RGS7BP: variants seen among roughly 807,000 people sequenced by gnomAD.
The protein encoded by RGS7BP is regulator of G protein signaling 7-binding protein.
RGS7BP carries 9 observed loss-of-function variants against 31.3 expected under a neutral mutation model. The ratio of observed to expected loss-of-function variants is 0.29; its 90% confidence interval spans 0.17 to 0.50. The LOEUF is 0.50. Among genes scored for constraint, RGS7BP ranks in the 20% least tolerant of loss-of-function variants. The pLI, the probability that RGS7BP is intolerant of heterozygous loss-of-function variation, is 0.98. For missense variants in RGS7BP, 274 were observed against 322.0 expected, an observed-to-expected ratio of 0.85 and a Z score of 1.14; for synonymous variants, 115 against 120.1, an observed-to-expected ratio of 0.96 and a Z score of 0.28.
At chr5:64,579,816 T>C (rs1464149271) in intron 3 of RGS7BP, among the ~76,000 whole-genome samples, 2 of 152,212 alleles carry the variant, frequency 1.3e-5, no homozygotes, top group East Asian at 3.8e-4. Flanking sequence ...ATCCTTTCTA[T>C]TTCTTTATTC....
chr5:64,575,682 A>C, intron 2 of RGS7BP, 92 bp from the exon 3 acceptor site: 1 of 1,487,616 alleles, frequency 6.7e-7, no homozygotes, highest in Non-Finnish European at 8.9e-7. Context: ...AGGAATCTTT[A>C]TTGAGCATTT....
rs377519353 is a variant in RGS7BP at position 64,609,520 on chromosome 5, C to A, written c.*268C>A. ...TTGTGCATGTCTGCTCCAAACCACG[C>A]CATGACAGATGCAAGAATTATGATT... On this transcript the variant is annotated 3_prime_UTR_variant, in exon 6 of 6. Transcript: ENST00000334025. 2.4e-6 allele frequency: 1 copy of A among 416,928 alleles called. No individual in the cohort carries two copies. The allele number at this position is 416,928 out of a possible 1,614,324, so 25.8% of individuals were successfully genotyped here. A position where few individuals can be genotyped will look rare whatever the true frequency, so the allele number is the denominator to read the frequency against.
chr5:64,584,021 A>G (rs935537015), intron 3 of RGS7BP, among the ~76,000 whole-genome samples: 1 of 152,220 alleles, frequency 6.6e-6, no homozygotes, highest in African/African-American at 2.4e-5. Flanking sequence ...TCAAAGCTCA[A>G]TGAGGTAAGT....
chr5:64,512,125 A>G (rs1355104817), intron 2 of RGS7BP, among the ~76,000 whole-genome samples: 1 of 152,114 alleles, frequency 6.6e-6, no homozygotes, highest in Non-Finnish European at 1.5e-5. Flanking sequence ...GGTGGTCAGG[A>G]TTCTCTTTTT....
intron 2 of RGS7BP, among the ~76,000 whole-genome samples, chr5:64,561,726 C>T (rs1002817869): frequency 6.6e-6 from 1 of 152,102 alleles, no homozygotes; most frequent in Non-Finnish European, 1.5e-5. Flanking sequence ...GCTCACCAAG[C>T]TTTTTTCCCT....
At position 64,567,376 on chromosome 5, in the gene RGS7BP, ATGT is replaced by A. The variant is rs1397851970; in HGVS notation, c.333-8394_333-8392del. On this transcript the variant is annotated intron_variant, in intron 2 of 5. Transcript: ENST00000334025. ...ATTAATTATTAAAATATTGATCAAC[ATGT>A]TGTGCTGTTACAGTTAAATGAGATG... Among the ~76,000 whole-genome samples, 3 of 152,278 alleles carry A rather than the reference ATGT, an allele frequency of 2.0e-5. No homozygotes were observed. The South Asian group carries it at 6.2e-4, about 32-fold the overall frequency.
chr5:64,578,803 C>T (rs1167092204), intron 3 of RGS7BP, among the ~76,000 whole-genome samples: 1 of 152,176 alleles, frequency 6.6e-6, no homozygotes, highest in African/African-American at 2.4e-5. Context: ...GATGTGACCA[C>T]TGAAATAGGC....
intron 2 of RGS7BP, among the ~76,000 whole-genome samples, chr5:64,552,087 ATAAC>A (rs1388703862): frequency 1.3e-5 from 2 of 152,188 alleles, no homozygotes; most frequent in Admixed American, 6.5e-5. Context: ...TTTTATCTGC[ATAAC>A]TAACTTTCCT....
Position 64,609,256 on chromosome 5 carries a change from G to C in RGS7BP, c.*4G>C. ...GTGTTGTCTCATCTCAAGCTAGGTG[G>C]CTCCTCCTGGAAACCCACTGAGAAC... is the stretch of plus-strand genomic sequence containing the variant. On this transcript the variant is annotated 3_prime_UTR_variant, in exon 6 of 6. Transcript: ENST00000334025. The C allele has an allele frequency of 1.9e-6, 3 of 1,557,400 alleles. No individual in the cohort carries two copies. Among genetic ancestry groups the C allele is most frequent in the Non-Finnish European group, 2.7e-6 (3 of 1,128,778 alleles).
intron 2 of RGS7BP, among the ~76,000 whole-genome samples, chr5:64,512,638 C>T (rs1193009799): frequency 6.6e-6 from 1 of 152,152 alleles, no homozygotes; most frequent in Non-Finnish European, 1.5e-5. Flanking sequence ...TATAATAAGA[C>T]ATTTAAAAAT....
intron 2 of RGS7BP, among the ~76,000 whole-genome samples, chr5:64,558,698 A>G (rs987177312): frequency 6.6e-6 from 1 of 152,170 alleles, no homozygotes; most frequent in Non-Finnish European, 1.5e-5. Context: ...GGACACAGCC[A>G]TATTTCCCTT....
At chr5:64,588,474 A>T (rs546055480) in intron 3 of RGS7BP, among the ~76,000 whole-genome samples, 1 of 152,198 alleles carries the variant, frequency 6.6e-6, no homozygotes, top group South Asian at 2.1e-4. Flanking sequence ...CCCTCCTGTC[A>T]CGCAGCCCAC....
chr5:64,516,231 G>A (rs544966959), intron 2 of RGS7BP, among the ~76,000 whole-genome samples: 17 of 152,276 alleles, frequency 1.1e-4, no homozygotes, highest in South Asian at 6.2e-4. Context: ...TGAGCACAAG[G>A]GGAAATATAT....
chr5:64,561,694 TC>T (rs1178717857), intron 2 of RGS7BP, among the ~76,000 whole-genome samples: 2 of 152,210 alleles, frequency 1.3e-5, no homozygotes, highest in Non-Finnish European at 2.9e-5. Flanking sequence ...ATGTTCCTAA[TC>T]TCAAGTTCTT....
chr5:64,515,964 T>C (rs1748962256), intron 2 of RGS7BP, among the ~76,000 whole-genome samples: 1 of 152,096 alleles, frequency 6.6e-6, no homozygotes, highest in South Asian at 2.1e-4. Context: ...CAGACACAGC[T>C]AATTTTTTAA....
At position 64,523,643 on chromosome 5, in the gene RGS7BP, G is replaced by C. The variant is rs148938690; in HGVS notation, c.332+15766G>C. Among the ~76,000 whole-genome samples, 338 of 152,164 alleles carry C rather than the reference G, an allele frequency of 2.2e-3. 1 individual carries two copies. The highest frequency in any genetic ancestry group is 3.8e-3 in the Non-Finnish European group (257 of 68,022). ...GGCACATTGTTGAGTGTTAAAACTT[G>C]TCAGTACCTGTCACATAATTAAAAT... On this transcript the variant is annotated intron_variant, in intron 2 of 5. Coordinates refer to ENST00000334025, the MANE Select transcript of RGS7BP (RefSeq NM_001029875.3).
intron 2 of RGS7BP, chr5:64,539,741 C>T (rs1051224481): frequency 6.6e-6 from 1 of 152,138 alleles, no homozygotes; most frequent in African/African-American, 2.4e-5. Context: ...AGTGGAATCG[C>T]ACCTGTGAAT....
intron 4 of RGS7BP, among the ~76,000 whole-genome samples, chr5:64,596,425 C>G (rs59555194): frequency 0.055 from 8,449 of 152,250 alleles, 790 homozygotes; most frequent in African/African-American, 0.19. Flanking sequence ...GAATCAGGCT[C>G]TCTTGGGGTG....
intron 3 of RGS7BP, among the ~76,000 whole-genome samples, chr5:64,590,404 C>T (rs1435707592): frequency 6.6e-6 from 1 of 151,860 alleles, no homozygotes; most frequent in Non-Finnish European, 1.5e-5. Context: ...AAGTGGTATA[C>T]AAAGAAATCA....
Sources: gnomAD v4.1 joint callset for allele counts (sites outside exome capture counted in the v4.1 genomes callset) on GRCh38, gnomAD v4.1.1 for gene constraint, MANE v1.5 for transcripts, NCBI Gene and HGNC (gene_info 2026-07-23, HGNC 2026-07-21) for gene names.